LRTM3: variants seen among roughly 807,000 people sequenced by gnomAD.
LRTM3 encodes the protein leucine-rich repeat transmembrane protein 3.
the LRTM3 span, chr13:102,747,038 AG>A: frequency 2.6e-6 from 4 of 1,551,146 alleles, no homozygotes; most frequent in Non-Finnish European, 3.5e-6. Flanking sequence ...ATCAAGTCCA[AG>A]GTTGCAGCTA....
At chr13:102,732,230 T>C in the LRTM3 span, 3 of 1,551,428 alleles carry the variant, frequency 1.9e-6, no homozygotes, top group East Asian at 7.3e-5. Context: ...AGGGTCAGTG[T>C]GAGGTGAACG....
chr13:102,741,654 T>C, the LRTM3 span: 4 of 1,550,340 alleles, frequency 2.6e-6, no homozygotes, highest in South Asian at 1.2e-5. Context: ...TCCTGGCAAG[T>C]CTTCTGTTGA....
At chr13:102,745,452 C>T in the LRTM3 span, 3 of 1,550,556 alleles carry the variant, frequency 1.9e-6, no homozygotes, top group Non-Finnish European at 2.6e-6. Context: ...CCCTTTTTGC[C>T]TTGATGCAGT....
chr13:102,740,127 G>T, the LRTM3 span: 1 of 1,548,028 alleles, frequency 6.5e-7, no homozygotes, highest in Non-Finnish European at 8.7e-7. Flanking sequence ...TTTGCCTTTT[G>T]TGTTTCTATC....
the LRTM3 span, chr13:102,758,362 C>T: frequency 2.2e-6 from 3 of 1,348,902 alleles, no homozygotes; most frequent in African/African-American, 1.4e-5. Context: ...AGAACACAAC[C>T]AACCTATTTC....
chr13:102,755,785 T>A, the LRTM3 span, among the ~76,000 whole-genome samples: 18 of 150,104 alleles, frequency 1.2e-4, no homozygotes, highest in African/African-American at 4.2e-4. Context: ...GAAGGAATTT[T>A]AAAAAATTAA....
the LRTM3 span, chr13:102,746,003 G>A: frequency 6.4e-7 from 1 of 1,551,028 alleles, no homozygotes; most frequent in South Asian, 1.2e-5. Flanking sequence ...GTTCTCCAGA[G>A]CCTGTAAAGC....
At chr13:102,733,520 C>T in the LRTM3 span, 1 of 1,551,290 alleles carries the variant, frequency 6.4e-7, no homozygotes, top group South Asian at 1.2e-5. Context: ...AGCCTTAGGA[C>T]TGATTTTATG....
At chr13:102,748,375 T>C in the LRTM3 span, 4 of 1,550,966 alleles carry the variant, frequency 2.6e-6, no homozygotes, top group Non-Finnish European at 3.5e-6. Context: ...GCATTTTGCT[T>C]CCTGGGGAAA....
At chr13:102,753,162 C>A in the LRTM3 span, among the ~76,000 whole-genome samples, 15 of 152,098 alleles carry the variant, frequency 9.9e-5, no homozygotes, top group Non-Finnish European at 1.5e-5. Context: ...TGAGTTAATG[C>A]CCTTTGCAGG....
the LRTM3 span, chr13:102,731,922 G>T: frequency 1.3e-6 from 2 of 1,549,892 alleles, no homozygotes; most frequent in East Asian, 2.4e-5. Context: ...CGTAAGTCTG[G>T]TTTTTTAATG....
At chr13:102,742,993 T>C in the LRTM3 span, 7 of 1,541,888 alleles carry the variant, frequency 4.5e-6, no homozygotes, top group African/African-American at 1.4e-5. Context: ...TTTTTACATT[T>C]TTTTCTGAAT....
At chr13:102,750,538 T>C in the LRTM3 span, 4 of 549,688 alleles carry the variant, frequency 7.3e-6, no homozygotes, top group Non-Finnish European at 9.4e-6. Flanking sequence ...ACAAAACAAT[T>C]CATTACCTAG....
chr13:102,745,060 C>G, the LRTM3 span: 2 of 1,550,772 alleles, frequency 1.3e-6, no homozygotes, highest in Non-Finnish European at 1.7e-6. Context: ...ATTTCTTTGT[C>G]TCCTCTCTTT....
the LRTM3 span, chr13:102,738,593 G>C: frequency 1.3e-6 from 2 of 1,550,226 alleles, no homozygotes; most frequent in Non-Finnish European, 1.7e-6. Flanking sequence ...TTGCAATATA[G>C]ATTCTAGGGC....
the LRTM3 span, chr13:102,737,341 C>T: frequency 6.4e-7 from 1 of 1,550,916 alleles, no homozygotes; most frequent in Non-Finnish European, 8.7e-7. Context: ...GTAAGTCTTC[C>T]TCTCCTTCTT....
At chr13:102,757,779 G>A in the LRTM3 span, among the ~76,000 whole-genome samples, 46,107 of 151,950 alleles carry the variant, frequency 0.3, 7,204 homozygotes, top group South Asian at 0.37. Context: ...CCATACCACA[G>A]GGCAACTTTC....
the LRTM3 span, among the ~76,000 whole-genome samples, chr13:102,752,739 G>A: frequency 3.9e-5 from 6 of 152,116 alleles, no homozygotes; most frequent in Non-Finnish European, 7.3e-5. Flanking sequence ...AGTCCTAACC[G>A]TAGTACCTCA....
At chr13:102,737,779 C>A in the LRTM3 span, 1 of 1,550,852 alleles carries the variant, frequency 6.4e-7, no homozygotes, top group Non-Finnish European at 8.7e-7. Flanking sequence ...CTGATGATTT[C>A]TGGTGCCTTG....
Sources: gnomAD v4.1 joint callset for allele counts (sites outside exome capture counted in the v4.1 genomes callset) on GRCh38, gnomAD v4.1.1 for gene constraint, MANE v1.5 for transcripts, NCBI Gene and HGNC (gene_info 2026-07-23, HGNC 2026-07-21) for gene names.